Variants in OGG1 observed in about 807,000 individuals in gnomAD.
OGG1 encodes the protein 8-oxoguanine DNA glycosylase.
A neutral mutation model predicts 42.3 loss-of-function variants in OGG1; 35 were observed. The ratio of observed to expected loss-of-function variants is 0.83; its 90% CI spans 0.63 to 1.10. OGG1 has a LOEUF of 1.10. Among genes scored for constraint, OGG1 ranks in the 50% least tolerant of loss-of-function variants. The probability of loss-of-function intolerance (pLI) is 0.00; values close to 1 mark genes in which losing one functional copy is unlikely to be tolerated. For missense variants in OGG1, 484 were observed against 446.7 expected (o/e 1.08, Z -0.75); for synonymous variants, 189 against 179.0 (o/e 1.06, Z -0.44).
At position 9,754,832 on chromosome 3, in the gene OGG1, T is replaced by C; in HGVS notation, c.694T>C (p.Ser232Pro). The C allele has an allele frequency of 6.2e-7, 1 of 1,610,952 alleles. No individual in the cohort carries two copies. Residue 232 changes from serine (S) to proline (P), a missense_variant, in exon 4 of 7, where the codon TCA becomes CCA. By Grantham distance (74) the Ser-to-Pro change is moderately conservative. Transcript: ENST00000344629. The stretch of plus-strand genomic sequence containing the variant: ...CTGGCTGCAGCAGCTACGAGAGTCC[T>C]CATATGAGGAGGCCCACAAGGCCCT... The part of the protein sequence containing the change: ...LAWLQQLRES[S>P]YEEAHKALCI...
At chr3:9,750,598 T>C (rs1407554911) in intron 1 of OGG1, 175 bp downstream of exon 1, 1 of 867,288 alleles carries the variant, frequency 1.2e-6, no homozygotes, top group African/African-American at 1.7e-5. Context: ...ACAGTGATAA[T>C]TGTAAGGATC....
At chr3:9,768,707 G>A (rs951378697), downstream of OGG1, among the ~76,000 whole-genome samples, 1 of 152,194 alleles carries the variant, frequency 6.6e-6, no homozygotes, top group Non-Finnish European at 1.5e-5. Flanking sequence ...CCACAGATGA[G>A]GCCAAAACAG....
chr3:9,760,633 GA>G, downstream of OGG1: 1 of 1,613,074 alleles, frequency 6.2e-7, no homozygotes, highest in Non-Finnish European at 8.5e-7. Flanking sequence ...GGGCCCAGGG[GA>G]AAAAAGCAAA....
chr3:9,766,294 C>A, exon 8 of OGG1: 1 of 700,470 alleles, frequency 1.4e-6, no homozygotes, highest in Non-Finnish European at 2.6e-6. Flanking sequence ...TTATGTGGCC[C>A]TCTGGATCCA....
At chr3:9,765,601 C>T (rs897082067) in intron 7 of OGG1, among the ~76,000 whole-genome samples, 1 of 152,158 alleles carries the variant, frequency 6.6e-6, no homozygotes, top group South Asian at 2.1e-4. Context: ...TCTGATGTTC[C>T]CCACAACCCT....
At chr3:9,767,151 T>C (rs1025275087), downstream of OGG1, among the ~76,000 whole-genome samples, 4 of 152,172 alleles carry the variant, frequency 2.6e-5, no homozygotes, top group Middle Eastern at 3.2e-3. Context: ...CCAGCTCTAA[T>C]GCCCCATTCT....
At chr3:9,782,441 A>T (rs761073545) in intron 3 of OGG1, among the ~76,000 whole-genome samples, 146 of 152,180 alleles carry the variant, frequency 9.6e-4, no homozygotes, top group Non-Finnish European at 1.5e-3. Context: ...GTGTACATAA[A>T]GCCCCTGACA....
chr3:9,760,820 C>T (rs548202677), downstream of OGG1: 22 of 1,608,938 alleles, frequency 1.4e-5, no homozygotes, highest in East Asian at 1.1e-4. Context: ...CCGTTGGCTC[C>T]GGGGTGGAGC....
intron 3 of OGG1, chr3:9,783,826 T>C: frequency 4.3e-6 from 4 of 923,880 alleles, no homozygotes; most frequent in Non-Finnish European, 6.0e-6. Flanking sequence ...CAGTCACAGA[T>C]GCCTGAGCCC....
chr3:9,774,217 T>G (rs947082088), intron 2 of OGG1, among the ~76,000 whole-genome samples: 39 of 152,104 alleles, frequency 2.6e-4, no homozygotes, highest in Non-Finnish European at 2.5e-4. Context: ...AAGACCAGCC[T>G]GGGCAACATA....
intron 2 of OGG1, among the ~76,000 whole-genome samples, chr3:9,774,982 G>T (rs1183482521): frequency 2.0e-5 from 3 of 150,446 alleles, no homozygotes; most frequent in Non-Finnish European, 4.4e-5. Flanking sequence ...TTTTGGCTGG[G>T]CTCATGCCTA....
intron 3 of OGG1, chr3:9,787,586 A>G: frequency 9.7e-7 from 1 of 1,034,850 alleles, no homozygotes; most frequent in Non-Finnish European, 1.4e-6. Context: ...CCCAAGATAG[A>G]AGGTGCAGAA....
At chr3:9,755,702 C>G (rs2077514233) in intron 4 of OGG1, among the ~76,000 whole-genome samples, 1 of 151,180 alleles carries the variant, frequency 6.6e-6, no homozygotes, top group African/African-American at 2.4e-5. Context: ...CCTCGAGATC[C>G]ACCTGCCTCA....
chr3:9,750,909 A>G (rs1428899682), intron 1 of OGG1, 36 bp from the exon 2 acceptor site: 1 of 1,613,212 alleles, frequency 6.2e-7, no homozygotes, highest in Non-Finnish European at 8.5e-7. Context: ...AAGAAAGGAA[A>G]TTGAGTGCCA....
intron 3 of OGG1, among the ~76,000 whole-genome samples, chr3:9,754,434 C>T (rs987056156): frequency 1.3e-5 from 2 of 152,156 alleles, no homozygotes; most frequent in Non-Finnish European, 2.9e-5. Context: ...TGGGGAGCTC[C>T]TCAAGGGAAG....
intron 3 of OGG1, chr3:9,787,380 C>T (rs770062756): frequency 7.6e-6 from 12 of 1,569,802 alleles, no homozygotes; most frequent in Non-Finnish European, 1.0e-5. Flanking sequence ...TGGGTAAGCA[C>T]TGGCCAGCCA....
chr3:9,764,464 CA>C (rs906425408), intron 7 of OGG1, among the ~76,000 whole-genome samples: 12 of 152,082 alleles, frequency 7.9e-5, no homozygotes, highest in South Asian at 2.1e-4. Flanking sequence ...AGGCATGCGC[CA>C]CCATGTCCAG....
downstream of OGG1, chr3:9,767,856 A>T (rs974365809): frequency 8.6e-6 from 13 of 1,516,126 alleles, no homozygotes; most frequent in South Asian, 3.8e-5. Context: ...GGCCCCATTC[A>T]GTCATTCAAC....
chr3:9,785,567 C>A, intron 3 of OGG1: 1 of 596,110 alleles, frequency 1.7e-6, no homozygotes, highest in Non-Finnish European at 3.0e-6. Context: ...CCTTCCCATA[C>A]CAATCCCAAA....
Sources: gnomAD v4.1 joint callset for allele counts (sites outside exome capture counted in the v4.1 genomes callset) on GRCh38, gnomAD v4.1.1 for gene constraint, MANE v1.5 for transcripts, NCBI Gene and HGNC (gene_info 2026-07-23, HGNC 2026-07-21) for gene names.